The following TNS1 variants were observed in gnomAD, a reference collection of about 807,000 sequenced individuals.
TNS1 encodes the protein tensin 1, also known as tensin-1.
TNS1 carries 62 observed loss-of-function variants against 168.6 expected under a neutral mutation model. That is an observed-to-expected ratio of 0.37 (90% CI 0.30 to 0.45). The LOEUF is 0.45. Ranked by LOEUF, TNS1 falls within the 20% of genes least tolerant of loss-of-function variation. The pLI is 1.00. For synonymous variants in TNS1, 934 were observed against 933.2 expected, an observed-to-expected ratio of 1.00 and a Z score of -0.02; for missense variants, 2,240 against 2,339.4, an observed-to-expected ratio of 0.96 and a Z score of 0.88.
At chr2:217,961,759 G>T (rs753911819) in intron 3 of TNS1, among the ~76,000 whole-genome samples, 64 of 152,282 alleles carry the variant, frequency 4.2e-4, no homozygotes, top group Non-Finnish European at 8.4e-4. Flanking sequence ...CCCGAGAAAA[G>T]AACTTTTGCT....
intron 22 of TNS1, among the ~76,000 whole-genome samples, chr2:217,827,958 T>A (rs1208538095): frequency 4.6e-5 from 7 of 152,170 alleles, no homozygotes; most frequent in Admixed American, 4.6e-4. Flanking sequence ...CTGGAGAGTG[T>A]TTGAGATACC....
intron 28 of TNS1, among the ~76,000 whole-genome samples, chr2:217,811,516 A>C (rs898545656): frequency 6.6e-6 from 1 of 152,218 alleles, no homozygotes; most frequent in Admixed American, 6.5e-5. Flanking sequence ...AAGACTAGAA[A>C]AAAATCCTAG....
At chr2:217,832,208 A>G (rs1944536028) in intron 21 of TNS1, among the ~76,000 whole-genome samples, 1 of 152,188 alleles carries the variant, frequency 6.6e-6, no homozygotes, top group South Asian at 2.1e-4. Context: ...AGTGTCCTGG[A>G]AGGAGGAGAA....
At chr2:217,884,897 C>T in intron 16 of TNS1, 138 bp downstream of exon 16, 1 of 1,105,522 alleles carries the variant, frequency 9.0e-7, no homozygotes, top group Non-Finnish European at 1.3e-6. Context: ...TCTCTCAACT[C>T]TCTCCTACCA....
At chr2:217,805,513 A>ACAC (rs1483539011) in intron 32 of TNS1, among the ~76,000 whole-genome samples, 3,326 of 26,732 alleles carry the variant, frequency 0.12, 172 homozygotes, top group East Asian at 0.34. Context: ...ACCACCACAC[A>ACAC]CACCACACAC....
chr2:217,984,193 C>CT lies in TNS1; in HGVS notation c.149-5392dup, dbSNP rs1300089611. Among the ~76,000 whole-genome samples, 4 of 152,284 alleles carry CT rather than the reference C, an allele frequency of 2.6e-5. No individual in the cohort carries two copies. The East Asian group carries it at 7.7e-4, about 29-fold the overall frequency. On this transcript the variant is annotated intron_variant, in intron 2 of 32. Coordinates refer to ENST00000682258, the MANE Select transcript of TNS1 (RefSeq NM_001387777.1). ...GTGAGACAATTCCTTAAATAAATCT[C>CT]TTTTTTTCTACACACATCCTGTTGG...
chr2:217,813,417 A>G lies in TNS1; in HGVS notation c.4862-110T>C. ...AGTGTGCGGGGCCAAGATGGGAGAA[A>G]TGACTGAAGAGAGAACGTGGCTGGA... On this transcript the variant is annotated intron_variant, in intron 26 of 32. Coordinates refer to ENST00000682258, the MANE Select transcript of TNS1 (RefSeq NM_001387777.1). The surrounding 1 kb of genome is among the most constrained non-coding windows in gnomAD (Gnocchi z 4.0). 1.9e-6 allele frequency: 2 copies of G among 1,032,894 alleles called. No homozygotes were observed. The highest frequency in any genetic ancestry group is 2.9e-6 in the Non-Finnish European group (2 of 685,764). 64.0% of individuals were successfully genotyped at this position (1,032,894 alleles called of 1,614,324 possible). A position where few individuals can be genotyped will look rare whatever the true frequency, so the allele number is the denominator to read the frequency against.
intron 18 of TNS1, among the ~76,000 whole-genome samples, chr2:217,871,376 AC>A (rs1056873401): frequency 6.6e-5 from 10 of 152,092 alleles, no homozygotes; most frequent in Non-Finnish European, 1.2e-4. Flanking sequence ...CCATTTCCCA[AC>A]AAAAATCAGT....
chr2:217,904,645 C>T (rs372717799), intron 6 of TNS1, among the ~76,000 whole-genome samples: 49 of 152,314 alleles, frequency 3.2e-4, no homozygotes, highest in African/African-American at 1.1e-3. Context: ...CCAATACTTT[C>T]TTCTAAAAAA....
chr2:217,864,499 C>T (rs926327379), intron 18 of TNS1, among the ~76,000 whole-genome samples: 15 of 152,178 alleles, frequency 9.9e-5, no homozygotes, highest in African/African-American at 3.4e-4. Context: ...CTTTCTGCTT[C>T]CCAGAAAGGA....
chr2:217,851,440 TACACACACACACAC>T (rs3838563), intron 18 of TNS1, among the ~76,000 whole-genome samples: 9 of 139,730 alleles, frequency 6.4e-5, no homozygotes, highest in Non-Finnish European at 1.3e-4. Flanking sequence ...TGCATCCCTC[TACACACACACACAC>T]ACACACACAC....
intron 18 of TNS1, among the ~76,000 whole-genome samples, chr2:217,852,676 A>T (rs1947663176): frequency 6.6e-6 from 1 of 152,214 alleles, no homozygotes; most frequent in Non-Finnish European, 1.5e-5. Flanking sequence ...AGCCCCACTC[A>T]GCATCGATTT....
At chr2:217,956,351 G>A (rs1032687910) in intron 3 of TNS1, among the ~76,000 whole-genome samples, 2 of 152,110 alleles carry the variant, frequency 1.3e-5, no homozygotes, top group Non-Finnish European at 2.9e-5. Flanking sequence ...TGAGACCTGG[G>A]GAACAAGGGA....
intron 6 of TNS1, chr2:217,905,494 C>A: frequency 3.2e-6 from 1 of 310,332 alleles, no homozygotes; most frequent in Non-Finnish European, 6.5e-6. Context: ...CCGCAGCACT[C>A]CCTCCAGGGC....
Position 217,851,812 on chromosome 2 carries a change from A to G in TNS1, c.1430-2725T>C, listed in dbSNP as rs148957088. Among the ~76,000 whole-genome samples, 24 of 152,026 alleles carry G rather than the reference A, an allele frequency of 1.6e-4. No individual in the cohort carries two copies. The East Asian group carries it at 3.1e-3, about 20-fold the overall frequency. On this transcript the variant is annotated intron_variant, in intron 18 of 32. Coordinates refer to ENST00000682258, the MANE Select transcript of TNS1 (RefSeq NM_001387777.1). ...ATGAGGGAGGCTGACCTTCATGCCC[A>G]CTCTCTCCAAAGAACTGAGCTCCTT...
chr2:217,921,237 C>T (rs1955674883), intron 3 of TNS1, among the ~76,000 whole-genome samples: 1 of 152,210 alleles, frequency 6.6e-6, no homozygotes, highest in East Asian at 1.9e-4. Flanking sequence ...CCAACCTGAA[C>T]ACCAGGCAAG....
chr2:217,903,999 G>A (rs567520951), intron 6 of TNS1, among the ~76,000 whole-genome samples: 3 of 152,190 alleles, frequency 2.0e-5, no homozygotes, highest in Non-Finnish European at 4.4e-5. Flanking sequence ...CATTTCCTGA[G>A]CCCAGATCCC....
chr2:217,878,216 C>T (rs1338057755), intron 18 of TNS1, among the ~76,000 whole-genome samples: 2 of 152,202 alleles, frequency 1.3e-5, no homozygotes, highest in Non-Finnish European at 2.9e-5. Flanking sequence ...AGCACACCCC[C>T]CTCGCCTAAC....
intron 1 of TNS1, among the ~76,000 whole-genome samples, chr2:218,019,645 C>A (rs1346147726): frequency 1.3e-5 from 2 of 152,196 alleles, no homozygotes; most frequent in Non-Finnish European, 2.9e-5. Flanking sequence ...GCCCTTTCGC[C>A]TCAGAGCAGG....
Sources: gnomAD v4.1 joint callset for allele counts (sites outside exome capture counted in the v4.1 genomes callset) on GRCh38, gnomAD v4.1.1 for gene constraint, Gnocchi (gnomAD v3.1) non-coding constraint, MANE v1.5 for transcripts, NCBI Gene and HGNC (gene_info 2026-07-23, HGNC 2026-07-21) for gene names.